The following INTS15 variants were observed in gnomAD, a reference collection of about 807,000 sequenced individuals.
The protein encoded by INTS15 is integrator complex subunit 15.
the INTS15 span, among the ~76,000 whole-genome samples, chr7:6,597,439 C>G: frequency 1.3e-5 from 2 of 152,080 alleles, no homozygotes; most frequent in Non-Finnish European, 2.9e-5. Context: ...GGGCTATAGG[C>G]ATGCGCCACC....
chr7:6,601,737 A>G, the INTS15 span, among the ~76,000 whole-genome samples: 3 of 148,808 alleles, frequency 2.0e-5, no homozygotes, highest in East Asian at 2.0e-4. Flanking sequence ...GCTTACTGCA[A>G]CCTCCCTCTC....
the INTS15 span, chr7:6,599,928 C>T: frequency 1.2e-6 from 2 of 1,614,192 alleles, no homozygotes; most frequent in Non-Finnish European, 1.7e-6. Flanking sequence ...ACTCCGATTG[C>T]GGCCAATCTG....
chr7:6,593,127 C>T, the INTS15 span, among the ~76,000 whole-genome samples: 1 of 152,136 alleles, frequency 6.6e-6, no homozygotes, highest in South Asian at 2.1e-4. Context: ...AAAGCAAGAG[C>T]TGGCAGATGT....
the INTS15 span, among the ~76,000 whole-genome samples, chr7:6,605,245 TC>T: frequency 1.3e-5 from 2 of 152,258 alleles, no homozygotes; most frequent in Admixed American, 1.3e-4. Context: ...TGTCTCGGCC[TC>T]CCAGAGTGCT....
the INTS15 span, chr7:6,600,217 C>T: frequency 1.2e-6 from 2 of 1,614,066 alleles, no homozygotes; most frequent in South Asian, 1.1e-5. Context: ...ACCACATGGT[C>T]CCGCTGGTAG....
At chr7:6,596,503 C>T in the INTS15 span, among the ~76,000 whole-genome samples, 1 of 150,098 alleles carries the variant, frequency 6.7e-6, no homozygotes, top group Non-Finnish European at 1.5e-5. Context: ...CTCAGCCTCC[C>T]GAGTAGCTGG....
At chr7:6,600,506 G>C in the INTS15 span, 1 of 814,486 alleles carries the variant, frequency 1.2e-6, no homozygotes, top group Non-Finnish European at 1.9e-6. Flanking sequence ...CCCCAGCCGT[G>C]CCCCCTGCAT....
the INTS15 span, chr7:6,600,348 G>A: frequency 6.2e-7 from 1 of 1,610,258 alleles, no homozygotes. Flanking sequence ...GCTCTGCTGT[G>A]CACGAGAGGT....
chr7:6,602,192 G>A, the INTS15 span: 1 of 1,532,732 alleles, frequency 6.5e-7, no homozygotes. Flanking sequence ...GCAGGGTGGA[G>A]GGAGGCAAGA....
the INTS15 span, among the ~76,000 whole-genome samples, chr7:6,591,220 A>G: frequency 6.6e-6 from 1 of 151,930 alleles, no homozygotes; most frequent in African/African-American, 2.4e-5. Context: ...CGGGAACTTT[A>G]CGAAGGGCGA....
chr7:6,597,382 T>C, the INTS15 span, among the ~76,000 whole-genome samples: 1 of 151,672 alleles, frequency 6.6e-6, no homozygotes, highest in Non-Finnish European at 1.5e-5. Flanking sequence ...GCAACCTCCA[T>C]GTCCCAGGTT....
chr7:6,593,875 T>C, the INTS15 span, among the ~76,000 whole-genome samples: 1 of 152,018 alleles, frequency 6.6e-6, no homozygotes, highest in Non-Finnish European at 1.5e-5. Flanking sequence ...CATCTGGAAC[T>C]GCTGGGCTCA....
chr7:6,603,698 G>T, the INTS15 span, among the ~76,000 whole-genome samples: 1 of 152,156 alleles, frequency 6.6e-6, no homozygotes, highest in Non-Finnish European at 1.5e-5. Context: ...AGTTAGCCAG[G>T]CATGGTGGCG....
At chr7:6,590,948 C>G in the INTS15 span, among the ~76,000 whole-genome samples, 1 of 151,866 alleles carries the variant, frequency 6.6e-6, no homozygotes, top group African/African-American at 2.4e-5. Context: ...AAGTAATCCT[C>G]CCGCCTCATC....
At chr7:6,591,877 A>G in the INTS15 span, 1,475 of 1,608,986 alleles carry the variant, frequency 9.2e-4, 20 homozygotes, top group African/African-American at 0.017. Flanking sequence ...GGTACTGCTC[A>G]AGAGAGACCC....
chr7:6,606,348 G>A, the INTS15 span, among the ~76,000 whole-genome samples: 2 of 152,114 alleles, frequency 1.3e-5, no homozygotes, highest in African/African-American at 2.4e-5. Flanking sequence ...TTCAGTCTGT[G>A]ACAGACCAGC....
chr7:6,606,631 A>G, the INTS15 span, among the ~76,000 whole-genome samples: 13 of 151,542 alleles, frequency 8.6e-5, no homozygotes, highest in East Asian at 2.5e-3. Context: ...CGATGGGGGA[A>G]GCAAGGGGAA....
the INTS15 span, among the ~76,000 whole-genome samples, chr7:6,592,330 C>G: frequency 1.3e-5 from 2 of 151,758 alleles, no homozygotes; most frequent in Middle Eastern, 3.4e-3. Flanking sequence ...CTTTGGGAGG[C>G]CGAAGGGGGG....
the INTS15 span, among the ~76,000 whole-genome samples, chr7:6,598,775 G>A: frequency 0.013 from 1,280 of 100,902 alleles, 33 homozygotes; most frequent in African/African-American, 0.06. Flanking sequence ...GTGTGTGTGT[G>A]TGTGTGTGTG....
Sources: allele counts gnomAD v4.1 joint callset (sites outside exome capture counted in the v4.1 genomes callset), GRCh38; gene constraint gnomAD v4.1.1; transcripts MANE v1.5; gene names NCBI Gene and HGNC (gene_info 2026-07-23, HGNC 2026-07-21).